Variants in PRDX2 observed in about 807,000 individuals in gnomAD.
The protein encoded by PRDX2 is peroxiredoxin 2.
In PRDX2, 10 loss-of-function variants were observed where a neutral mutation model predicts 19.8. The observed-to-expected ratio is 0.50, with a 90% CI of 0.31 to 0.86. The LOEUF (loss-of-function observed/expected upper bound fraction) is 0.86. Ranked by LOEUF, PRDX2 falls within the 40% of genes least tolerant of loss-of-function variation. The probability of loss-of-function intolerance (pLI) is 0.04; values close to 1 mark genes in which losing one functional copy is unlikely to be tolerated. For synonymous variants in PRDX2, 118 were observed against 108.2 expected (o/e 1.09, Z -0.56); for missense variants, 226 against 260.1 (o/e 0.87, Z 0.90).
In PRDX2 at chr19:12,800,170, A is replaced by G. The variant is rs1229666454; in HGVS notation, c.380+7T>C. The stretch of plus-strand genomic sequence containing the variant: ...CTCCCTGAGCCGGGCTGAGGGTCCC[A>G]CAGTACCTGTAGGCAATGCCCTCAT... On this transcript the variant is annotated splice_region_variant and intron_variant, in intron 4 of 5. Transcript: ENST00000301522. 1 of 1,613,372 alleles carries G rather than the reference A, an allele frequency of 6.2e-7. No homozygotes were observed. Among genetic ancestry groups the G allele is most frequent in the African/African-American group, 1.3e-5 (1 of 75,032 alleles).
Position 12,797,022 on chromosome 19 carries a change from G to A in PRDX2, c.*59C>T. On this transcript the variant is annotated 3_prime_UTR_variant, in exon 6 of 6. Transcript: ENST00000301522. ...CATAGGGCACCCAGGTGGGGGCACA[G>A]GTGGACACCCAGCACAGGCACCTAG... The A allele has an allele frequency of 6.3e-7, 1 of 1,576,106 alleles. No individual in the cohort carries two copies. Among genetic ancestry groups the A allele is most frequent in the Admixed American group, 1.7e-5 (1 of 59,346 alleles).
intron 3 of PRDX2, 50 bp downstream of exon 3, chr19:12,800,866 C>G: frequency 6.4e-7 from 1 of 1,566,820 alleles, no homozygotes; most frequent in Non-Finnish European, 8.7e-7. Flanking sequence ...CTGCTAGGAC[C>G]TGAGGGTGTG....
At chr19:12,798,692 T>TAA (rs563105953) in intron 5 of PRDX2, among the ~76,000 whole-genome samples, 3 of 124,936 alleles carry the variant, frequency 2.4e-5, no homozygotes, top group African/African-American at 6.2e-5. Context: ...CCCCATCTCT[T>TAA]AAAAAAAAAA....
chr19:12,797,011 G>A lies in PRDX2; in HGVS notation c.*70C>T. 8.5e-6 allele frequency: 13 copies of A among 1,521,336 alleles called. No homozygotes were observed. The highest frequency in any genetic ancestry group is 1.2e-5 in the Non-Finnish European group (13 of 1,102,366). 94.2% of individuals were successfully genotyped at this position (1,521,336 alleles called of 1,614,324 possible). Reference sequence around the variant, plus strand: ...TCCTGGGTCAGCATAGGGCACCCAGGTGGGGGCACAGGTGGACACCCAGCA... The same window carrying A: ...TCCTGGGTCAGCATAGGGCACCCAGATGGGGGCACAGGTGGACACCCAGCA... On this transcript the variant is annotated 3_prime_UTR_variant, in exon 6 of 6. Transcript: ENST00000301522.
intron 3 of PRDX2, chr19:12,800,501 GCTC>G (rs1418280504): frequency 1.2e-6 from 1 of 807,144 alleles, no homozygotes; most frequent in Middle Eastern, 3.5e-4. Flanking sequence ...GAGAGGCACA[GCTC>G]CAGCTAAGTG....
intron 3 of PRDX2, 163 bp from the exon 4 acceptor site, chr19:12,800,462 G>A: frequency 2.1e-6 from 2 of 953,702 alleles, no homozygotes; most frequent in Non-Finnish European, 3.1e-6. Context: ...TGCAAGGACT[G>A]TATCCCCATG....
At chr19:12,797,752 C>T (rs1015325599) in intron 5 of PRDX2, among the ~76,000 whole-genome samples, 1 of 148,470 alleles carries the variant, frequency 6.7e-6, no homozygotes, top group South Asian at 2.1e-4. Flanking sequence ...CTGCCTCCCG[C>T]GTTCAAGTGA....
chr19:12,801,295 G>T (rs753165834), intron 1 of PRDX2, 25 bp from the exon 2 acceptor site: 9 of 1,585,732 alleles, frequency 5.7e-6, no homozygotes, highest in South Asian at 1.1e-5. Context: ...CGGTCAGTGC[G>T]CCCGGGAAGA....
intron 4 of PRDX2, 71 bp from the exon 5 acceptor site, chr19:12,800,060 C>T (rs1599527551): frequency 6.2e-7 from 1 of 1,600,874 alleles, no homozygotes; most frequent in East Asian, 2.2e-5. Context: ...GGACTACCAA[C>T]CACCCGCTGC....
intron 5 of PRDX2, chr19:12,799,647 A>T: frequency 1.9e-6 from 1 of 521,140 alleles, no homozygotes; most frequent in Non-Finnish European, 3.1e-6. Flanking sequence ...ACCGTGAGCC[A>T]CTGAGCCCGG....
chr19:12,799,803 C>T (rs1187440053), intron 5 of PRDX2, 56 bp downstream of exon 5: 11 of 1,586,294 alleles, frequency 6.9e-6, no homozygotes, highest in Non-Finnish European at 8.6e-6. Flanking sequence ...TGAATGTTTG[C>T]ATGAGTGACG....
intron 3 of PRDX2, chr19:12,800,637 T>A (rs1968875478): frequency 7.3e-7 from 1 of 1,370,404 alleles, no homozygotes; most frequent in African/African-American, 1.5e-5. Flanking sequence ...AGTTTCCATC[T>A]TCATGAAATA....
At chr19:12,800,611 C>T (rs10421102) in intron 3 of PRDX2, 48,261 of 1,207,756 alleles carry the variant, frequency 0.04, 1,626 homozygotes, top group African/African-American at 0.16. Context: ...TACAGCCCTT[C>T]ACTTCGGTGA....
rs978145418 is a variant in PRDX2 at position 12,800,053 on chromosome 19, C to T, written c.381-64G>A. The T allele has an allele frequency of 5.0e-6, 8 of 1,603,052 alleles. No homozygotes were observed. The South Asian group carries it at 7.8e-5, about 16-fold the overall frequency. On this transcript the variant is annotated intron_variant, in intron 4 of 5. Coordinates refer to ENST00000301522, the MANE Select transcript of PRDX2 (RefSeq NM_005809.6). ...CCCACTGCCAGAGACAAGGAAGGGA[C>T]TACCAACCACCCGCTGCTAGCCACA...
Position 12,800,947 on chromosome 19 carries a change from A to G in PRDX2, c.226T>C (p.Ser76Pro), listed in dbSNP as rs1968883085. The change falls in exon 3 of 6, where the codon TCG becomes CCG. Residue 76 changes from serine to proline, a missense_variant. Ser to Pro is a moderately conservative substitution (Grantham distance 74). Coordinates refer to ENST00000301522, the MANE Select transcript of PRDX2 (RefSeq NM_005809.6). ...RKLGCEVLGV[S>P]VDSQFTHLAW... ...AGGTGGGTGAACTGAGAGTCCACCG[A>G]GACGCCCAGCACTTCACAGCCCAGC... 6.2e-7 allele frequency: 1 copy of G among 1,611,300 alleles called. No homozygotes were observed. Among genetic ancestry groups the G allele is most frequent in the Admixed American group, 1.7e-5 (1 of 59,862 alleles).
chr19:12,800,291 G>C lies in PRDX2; in HGVS notation c.266C>G (p.Thr89Ser). Residue 89 changes from threonine to serine, a missense_variant, in exon 4 of 6, where the codon ACC (threonine) becomes AGC (serine). Physicochemically the swap from Thr to Ser is moderately conservative, Grantham distance 58. Coordinates refer to ENST00000301522, the MANE Select transcript of PRDX2 (RefSeq NM_005809.6). ...SQFTHLAWINTPRKEGGLGPL... is the reference protein window; with the variant it reads ...SQFTHLAWINSPRKEGGLGPL... ...GCCCAAGCCTCCCTCTTTCCGGGGG[G>C]TGTTGATCCTGGGAGTAGGGGAGAC... is the stretch of plus-strand genomic sequence containing the variant. 1 of 1,612,494 alleles carries C rather than the reference G, an allele frequency of 6.2e-7. No individual in the cohort carries two copies.
At chr19:12,799,743 A>G (rs1377562683) in intron 5 of PRDX2, 116 bp downstream of exon 5, 25 of 1,388,670 alleles carry the variant, frequency 1.8e-5, no homozygotes, top group Non-Finnish European at 2.4e-5. Context: ...CCTGAGCTGA[A>G]TCTTCTTTGG....
chr19:12,800,998 T>C lies in PRDX2; in HGVS notation c.175A>G (p.Ser59Gly). The change falls in exon 3 of 6, where the codon AGC becomes GGC. Residue 59 changes from serine to glycine, a missense_variant. Transcript: ENST00000301522. ...TTGCGGAAGTCCTCTGCACGGTTGC[T>C]GAACGCGATGATCTCGGTGGGGCAC... ...FVCPTEIIAF[S>G]NRAEDFRKLG... 6.2e-7 allele frequency: 1 copy of C among 1,612,262 alleles called. No individual in the cohort carries two copies. The highest frequency in any genetic ancestry group is 8.5e-7 in the Non-Finnish European group (1 of 1,179,674).
At chr19:12,799,543 A>G (rs1345900518) in intron 5 of PRDX2, 1 of 226,876 alleles carries the variant, frequency 4.4e-6, no homozygotes, top group African/African-American at 2.3e-5. Flanking sequence ...TGTTCTTCGT[A>G]GAGACGGGGT....
Sources: gnomAD v4.1 joint callset for allele counts (sites outside exome capture counted in the v4.1 genomes callset) on GRCh38, gnomAD v4.1.1 for gene constraint, MANE v1.5 for transcripts, NCBI Gene and HGNC (gene_info 2026-07-23, HGNC 2026-07-21) for gene names.